CSMD1: variants seen among roughly 807,000 people sequenced by gnomAD.
The protein encoded by CSMD1 is CUB and sushi domain-containing protein 1.
CSMD1 carries 213 observed loss-of-function variants against 417.5 expected under a neutral mutation model. That is an observed-to-expected ratio of 0.51 (90% confidence interval 0.46 to 0.57). The LOEUF is 0.57. CSMD1 is among the 20% of genes least tolerant of loss of function. The probability of loss-of-function intolerance (pLI) is 0.00; values close to 1 mark genes in which losing one functional copy is unlikely to be tolerated. For missense variants in CSMD1, 6,923 were observed against 4,529.7 expected (o/e 1.53, Z -15.17); for synonymous variants, 2,862 against 1,736.8 (o/e 1.65, Z -16.11).
intron 1 of CSMD1, among the ~76,000 whole-genome samples, chr8:4,861,250 G>A (rs541320726): frequency 6.6e-6 from 1 of 152,212 alleles, no homozygotes; most frequent in African/African-American, 2.4e-5. Context: ...TATCTCTGCG[G>A]CTATACATTC....
chr8:4,119,140 T>C (rs1172342208), intron 3 of CSMD1, among the ~76,000 whole-genome samples: 1 of 152,002 alleles, frequency 6.6e-6, no homozygotes, highest in South Asian at 2.1e-4. Context: ...ACCTAATGCA[T>C]GTCGGGCTTA....
intron 7 of CSMD1, among the ~76,000 whole-genome samples, chr8:3,627,792 C>A (rs1441922239): frequency 6.6e-6 from 1 of 152,142 alleles, no homozygotes; most frequent in Non-Finnish European, 1.5e-5. Context: ...TTTCAGCCAG[C>A]ACATCTTGTT....
intron 2 of CSMD1, among the ~76,000 whole-genome samples, chr8:4,515,072 T>C (rs1563247759): frequency 6.6e-6 from 1 of 152,212 alleles, no homozygotes; most frequent in Admixed American, 6.5e-5. Context: ...AGGCAAATGA[T>C]ACTTTATAAT....
At chr8:3,831,923 C>A (rs918605308) in intron 5 of CSMD1, among the ~76,000 whole-genome samples, 1 of 152,074 alleles carries the variant, frequency 6.6e-6, no homozygotes, top group Non-Finnish European at 1.5e-5. Flanking sequence ...TTAAAATACC[C>A]CCCAGAGATT....
At chr8:4,298,256 A>C (rs772925311) in intron 3 of CSMD1, among the ~76,000 whole-genome samples, 59 of 152,222 alleles carry the variant, frequency 3.9e-4, no homozygotes, top group Non-Finnish European at 7.1e-4. Flanking sequence ...AACTAAAAAC[A>C]CATACATTAA....
At chr8:3,305,177 G>A (rs1584964197) in intron 25 of CSMD1, among the ~76,000 whole-genome samples, 2 of 152,108 alleles carry the variant, frequency 1.3e-5, no homozygotes, top group East Asian at 1.9e-4. Context: ...GAGCCGCTAT[G>A]CCTGGCCTAT....
At chr8:4,303,558 T>G (rs1162295920) in intron 3 of CSMD1, among the ~76,000 whole-genome samples, 1 of 151,964 alleles carries the variant, frequency 6.6e-6, no homozygotes, top group African/African-American at 2.4e-5. Flanking sequence ...TTTAAAAAAT[T>G]TCTTCTCAGC....
intron 5 of CSMD1, among the ~76,000 whole-genome samples, chr8:3,979,019 G>A (rs917503041): frequency 1.3e-5 from 2 of 152,192 alleles, no homozygotes; most frequent in African/African-American, 4.8e-5. Context: ...AAAGAACAAA[G>A]ATGCTGCACA....
At chr8:2,960,672 G>A (rs1288764892) in intron 62 of CSMD1, among the ~76,000 whole-genome samples, 1 of 151,920 alleles carries the variant, frequency 6.6e-6, no homozygotes, top group Non-Finnish European at 1.5e-5. Context: ...AATTTCACAA[G>A]TAAGTTTAGA....
chr8:4,617,719 T>C (rs1251141565), intron 2 of CSMD1, among the ~76,000 whole-genome samples: 1 of 152,166 alleles, frequency 6.6e-6, no homozygotes, highest in East Asian at 1.9e-4. Context: ...CTCCACTTAT[T>C]ACCTACCCCA....
At chr8:4,938,736 G>C (rs1281773000) in intron 1 of CSMD1, among the ~76,000 whole-genome samples, 1 of 152,216 alleles carries the variant, frequency 6.6e-6, no homozygotes, top group East Asian at 1.9e-4. Flanking sequence ...TGAAATCTGA[G>C]AATGGGAAGG....
intron 23 of CSMD1, among the ~76,000 whole-genome samples, chr8:3,316,154 A>G (rs1219952580): frequency 6.6e-6 from 1 of 152,190 alleles, no homozygotes; most frequent in African/African-American, 2.4e-5. Flanking sequence ...ATTCATCTTT[A>G]AATACATCCA....
chr8:3,983,061 A>C (rs570058954), intron 5 of CSMD1, among the ~76,000 whole-genome samples: 1 of 151,046 alleles, frequency 6.6e-6, no homozygotes, highest in Non-Finnish European at 1.5e-5. Flanking sequence ...AAGTTGGCTG[A>C]CTCTTTTCCC....
chr8:4,122,205 A>G (rs1052801963), intron 3 of CSMD1, among the ~76,000 whole-genome samples: 13 of 152,202 alleles, frequency 8.5e-5, no homozygotes, highest in African/African-American at 3.1e-4. Context: ...CGTGTTAATG[A>G]TAGTCTATTT....
chr8:3,767,608 G>A (rs1157641108), intron 5 of CSMD1, among the ~76,000 whole-genome samples: 1 of 151,788 alleles, frequency 6.6e-6, no homozygotes, highest in Non-Finnish European at 1.5e-5. Context: ...TCTCAACTAT[G>A]TTTTATATCC....
rs1172093085 is a variant in CSMD1 at position 3,616,702 on chromosome 8, T to C, written c.1097+8A>G. ...CATGCTTTTTTCCACCACTATTGTA[T>C]CTCTTACCTGAAGTCGGAACCTGCT... On this transcript the variant is annotated splice_region_variant and intron_variant, in intron 8 of 69. Coordinates refer to ENST00000635120, the MANE Select transcript of CSMD1 (RefSeq NM_033225.6). 1.3e-6 allele frequency: 2 copies of C among 1,569,372 alleles called. No individual in the cohort carries two copies. Among genetic ancestry groups the C allele is most frequent in the East Asian group, 2.2e-5 (1 of 44,594 alleles).
chr8:3,966,862 G>A (rs1004017183), intron 5 of CSMD1, among the ~76,000 whole-genome samples: 1 of 152,154 alleles, frequency 6.6e-6, no homozygotes, highest in Admixed American at 6.5e-5. Context: ...CTATTATGCT[G>A]CATACAACAC....
chr8:4,861,004 G>T (rs1411082152), intron 1 of CSMD1, among the ~76,000 whole-genome samples: 1 of 151,990 alleles, frequency 6.6e-6, no homozygotes, highest in Non-Finnish European at 1.5e-5. Context: ...CACTACTATT[G>T]TAATACATAT....
At chr8:4,711,244 G>T (rs1808276308) in intron 1 of CSMD1, among the ~76,000 whole-genome samples, 1 of 151,858 alleles carries the variant, frequency 6.6e-6, no homozygotes, top group African/African-American at 2.4e-5. Flanking sequence ...TATGAAATGA[G>T]GTGGTGAGAA....
Sources: allele counts gnomAD v4.1 joint callset (sites outside exome capture counted in the v4.1 genomes callset), GRCh38; gene constraint gnomAD v4.1.1; transcripts MANE v1.5; gene names NCBI Gene and HGNC (gene_info 2026-07-23, HGNC 2026-07-21).